The following RALGAPB variants were observed in gnomAD, a reference collection of about 807,000 sequenced individuals.
RALGAPB encodes Ral GTPase activating protein non-catalytic subunit beta.
A neutral mutation model predicts 161.1 loss-of-function variants in RALGAPB; 25 were observed. The observed-to-expected ratio is 0.16, with a 90% CI of 0.11 to 0.22. RALGAPB has a LOEUF of 0.22. RALGAPB is among the 10% of genes least tolerant of loss of function. The pLI, the probability that RALGAPB is intolerant of heterozygous loss-of-function variation, is 1.00. For synonymous variants in RALGAPB, 629 were observed against 626.1 expected, an observed-to-expected ratio of 1.00 and a Z score of -0.07; for missense variants, 1,391 against 1,815.2, an observed-to-expected ratio of 0.77 and a Z score of 4.25.
intron 16 of RALGAPB, among the ~76,000 whole-genome samples, chr20:38,537,550 C>T (rs899471212): frequency 6.6e-6 from 1 of 152,120 alleles, no homozygotes; most frequent in Non-Finnish European, 1.5e-5. Flanking sequence ...TTAGGTGTTA[C>T]GCTAGAAGAA....
At position 38,538,960 on chromosome 20, in the gene RALGAPB, T is replaced by G. The variant is rs2086888562; in HGVS notation, c.2380-816T>G. Among the ~76,000 whole-genome samples the G allele has an allele frequency of 2.0e-5, 3 of 152,184 alleles. No homozygotes were observed. The South Asian group carries it at 6.2e-4, about 32-fold the overall frequency. ...ACATGAATGTTTATAGCAGCTGTAT[T>G]TATAATATCCAGAAGCTGGAAACAA... On this transcript the variant is annotated intron_variant, in intron 16 of 29. Coordinates refer to ENST00000262879, the MANE Select transcript of RALGAPB (RefSeq NM_020336.4).
intron 18 of RALGAPB, among the ~76,000 whole-genome samples, 153 bp from the exon 19 acceptor site, chr20:38,546,090 A>G (rs1601008401): frequency 6.6e-6 from 1 of 152,218 alleles, no homozygotes; most frequent in East Asian, 1.9e-4. Context: ...ACAGCATGCC[A>G]TGGCATTCAC....
chr20:38,545,747 A>G (rs1568961602), intron 18 of RALGAPB, among the ~76,000 whole-genome samples: 1 of 151,618 alleles, frequency 6.6e-6, no homozygotes, highest in African/African-American at 2.4e-5. Context: ...AATAGGAGAA[A>G]CACCAGGAGA....
rs2086641483 is a variant in RALGAPB at position 38,531,191 on chromosome 20, AT to A, written c.2077del (p.Ser693GlnfsTer20). 6.2e-7 allele frequency: 1 copy of A among 1,610,826 alleles called. No individual in the cohort carries two copies. The highest frequency in any genetic ancestry group is 1.7e-5 in the Admixed American group (1 of 59,984). On this transcript the variant is annotated frameshift_variant, in exon 14 of 30. Transcript: ENST00000262879. LOFTEE classifies it high-confidence loss of function. ...GGGGCAATGTTAAATATTGTTCAAG[AT>A]TCAGCACTTTTGGAAGCCATTGGTT... ...ILGAMLNIVQ[D>X]SALLEAIGCQ...
At chr20:38,538,420 G>A in intron 16 of RALGAPB, 1 of 177,198 alleles carries the variant, frequency 5.6e-6, no homozygotes, top group Non-Finnish European at 1.2e-5. Context: ...GCCCATCTCA[G>A]GACAGATGGT....
In RALGAPB at chr20:38,575,537, G is replaced by A. The variant is rs1318288862; in HGVS notation, c.*570G>A. On this transcript the variant is annotated 3_prime_UTR_variant, in exon 30 of 30. Coordinates refer to ENST00000262879, the MANE Select transcript of RALGAPB (RefSeq NM_020336.4). ...TGTTTTTTGCTCAGATAAGAAGCCTGACATTAAAAGATGTCATATTTTTTT... is the reference window on the plus strand; with the variant it reads ...TGTTTTTTGCTCAGATAAGAAGCCTAACATTAAAAGATGTCATATTTTTTT... The A allele has an allele frequency of 1.3e-5, 2 of 153,632 alleles. No individual in the cohort carries two copies. The highest frequency in any genetic ancestry group is 4.8e-5 in the African/African-American group (2 of 41,414). 9.5% of individuals were successfully genotyped at this position (153,632 alleles called of 1,614,324 possible).
At chr20:38,536,012 C>G (rs2086794479) in intron 16 of RALGAPB, among the ~76,000 whole-genome samples, 1 of 152,140 alleles carries the variant, frequency 6.6e-6, no homozygotes, top group African/African-American at 2.4e-5. Context: ...ATAAAATTAG[C>G]CATTTAAAAG....
intron 6 of RALGAPB, among the ~76,000 whole-genome samples, chr20:38,513,934 C>G (rs1041670396): frequency 6.6e-6 from 1 of 152,056 alleles, no homozygotes; most frequent in African/African-American, 2.4e-5. Flanking sequence ...TCTGTTGTGT[C>G]AAAGTTTTGT....
chr20:38,548,619 G>A, intron 19 of RALGAPB, 70 bp from the exon 20 acceptor site: 1 of 1,241,950 alleles, frequency 8.1e-7, no homozygotes, highest in South Asian at 1.3e-5. Context: ...AAGCTCTGCA[G>A]TTGATAACAA....
chr20:38,507,463 C>T (rs1213255208), intron 5 of RALGAPB, among the ~76,000 whole-genome samples: 1 of 152,036 alleles, frequency 6.6e-6, no homozygotes, highest in Non-Finnish European at 1.5e-5. Context: ...GCCTCAACCT[C>T]CCCAGGCTCA....
chr20:38,557,949 T>C (rs552739714), intron 22 of RALGAPB, among the ~76,000 whole-genome samples: 1 of 152,350 alleles, frequency 6.6e-6, no homozygotes, highest in South Asian at 2.1e-4. Context: ...ACTGCCAAAC[T>C]GTCTTCCAAA....
At chr20:38,489,980 G>T (rs977744556) in intron 2 of RALGAPB, among the ~76,000 whole-genome samples, 1 of 151,672 alleles carries the variant, frequency 6.6e-6, no homozygotes, top group Admixed American at 6.6e-5. Flanking sequence ...ATTGAAAAGA[G>T]ATGAGAATTC....
At chr20:38,485,978 T>TTC (rs1241323647) in intron 1 of RALGAPB, among the ~76,000 whole-genome samples, 3 of 147,290 alleles carry the variant, frequency 2.0e-5, no homozygotes, top group African/African-American at 7.5e-5. Context: ...TTTTTTTTTT[T>TTC]TTTTTTTTGA....
intron 18 of RALGAPB, among the ~76,000 whole-genome samples, chr20:38,543,234 T>C (rs1468004391): frequency 6.6e-6 from 1 of 152,246 alleles, no homozygotes; most frequent in Non-Finnish European, 1.5e-5. Flanking sequence ...TCACAATTGC[T>C]GCTTTATGTT....
At chr20:38,511,884 G>C (rs891529328) in intron 6 of RALGAPB, among the ~76,000 whole-genome samples, 6 of 152,012 alleles carry the variant, frequency 3.9e-5, no homozygotes, top group African/African-American at 1.4e-4. Flanking sequence ...CAGAGGGGCT[G>C]CTCACTTCCC....
At chr20:38,512,600 C>A (rs2085993886) in intron 6 of RALGAPB, among the ~76,000 whole-genome samples, 1 of 152,150 alleles carries the variant, frequency 6.6e-6, no homozygotes, top group Non-Finnish European at 1.5e-5. Flanking sequence ...AGAAGTAGAA[C>A]ACTGTTGAAT....
chr20:38,559,432 C>T (rs889998201), intron 23 of RALGAPB, among the ~76,000 whole-genome samples: 2 of 152,198 alleles, frequency 1.3e-5, no homozygotes. Flanking sequence ...TGGTGGCTCA[C>T]GCCTGTAATC....
At chr20:38,524,675 T>C (rs1171292510) in intron 10 of RALGAPB, 103 bp from the exon 11 acceptor site, 2 of 853,300 alleles carry the variant, frequency 2.3e-6, no homozygotes, top group East Asian at 5.0e-5. Context: ...AGGGTAAAAA[T>C]AGTGATGAGT....
chr20:38,477,799 C>G (rs1448261128), intron 1 of RALGAPB, among the ~76,000 whole-genome samples: 1 of 152,070 alleles, frequency 6.6e-6, no homozygotes, highest in Non-Finnish European at 1.5e-5. Flanking sequence ...AGGTATTCTC[C>G]CTGTTTTACA....
Sources: gnomAD v4.1 joint callset for allele counts (sites outside exome capture counted in the v4.1 genomes callset) on GRCh38, gnomAD v4.1.1 for gene constraint, MANE v1.5 for transcripts, NCBI Gene and HGNC (gene_info 2026-07-23, HGNC 2026-07-21) for gene names.